Variants in PKN3 observed in about 807,000 individuals in gnomAD.
PKN3 encodes the protein serine/threonine-protein kinase N3.
A neutral mutation model predicts 113.1 loss-of-function variants in PKN3; 91 were observed. That is an observed-to-expected ratio of 0.80 (90% CI 0.68 to 0.96). PKN3 has a LOEUF of 0.96. Ranked by LOEUF, PKN3 falls within the 40% of genes least tolerant of loss-of-function variation. The pLI, the probability that PKN3 is intolerant of heterozygous loss-of-function variation, is 0.00. For synonymous variants in PKN3, 467 were observed against 499.0 expected (o/e 0.94, Z 0.85); for missense variants, 1,052 against 1,202.2 (o/e 0.88, Z 1.85).
chr9:128,706,571 A>G, intron 3 of PKN3, 142 bp from the exon 4 acceptor site: 1 of 639,174 alleles, frequency 1.6e-6, no homozygotes, highest in Admixed American at 3.1e-5. Flanking sequence ...TAGTCCAACA[A>G]GGGAGGCTTG....
Position 128,719,735 on chromosome 9 carries a change from C to G in PKN3, c.2175C>G (p.Phe725Leu). The G allele has an allele frequency of 6.3e-7, 1 of 1,594,854 alleles. No homozygotes were observed. The highest frequency in any genetic ancestry group is 2.2e-5 in the East Asian group (1 of 44,706). The stretch of plus-strand genomic sequence containing the variant: ...GCACCTTCTGTGGCACCCCGGAGTT[C>G]CTGGCTCCCGAGGTGCTGACCCAGG... ...RTSTFCGTPE[F>L]LAPEVLTQEA... The change falls in exon 19 of 22, where the codon TTC becomes TTG. Residue 725 changes from phenylalanine (F) to leucine (L), a missense_variant. Coordinates refer to ENST00000291906, the MANE Select transcript of PKN3 (RefSeq NM_013355.5).
rs965466258 is a variant in PKN3, at chr9:128,708,252, C to T, written c.835+847C>T. On this transcript the variant is annotated intron_variant, in intron 6 of 21. Transcript: ENST00000291906. Reference sequence around the variant, plus strand: ...AAAAAAGTAGCTGGATGTGGTGGCACATGCCTGTAGTCCCAGCCACTCGGG... The same window carrying T: ...AAAAAAGTAGCTGGATGTGGTGGCATATGCCTGTAGTCCCAGCCACTCGGG... 5.6e-4 allele frequency among the ~76,000 whole-genome samples: 85 copies of T among 151,796 alleles called. 1 individual carries two copies. The highest frequency in any genetic ancestry group is 5.6e-3 in the Admixed American group (85 of 15,242).
intron 6 of PKN3, 21 bp downstream of exon 6, chr9:128,707,426 C>T: frequency 1.3e-6 from 2 of 1,574,114 alleles, no homozygotes; most frequent in Non-Finnish European, 1.7e-6. Context: ...GTTCCTCCCC[C>T]TTCAAAGCTC....
Position 128,720,181 on chromosome 9 carries a change from G to A in PKN3, c.2377-22G>A, listed in dbSNP as rs1235216950. On this transcript the variant is annotated intron_variant, in intron 20 of 21. Transcript: ENST00000291906. The surrounding 1 kb of genome is among the most constrained non-coding windows in gnomAD (Gnocchi z 5.5). ...GTGCCTGGGGCTGAATGCCCTAAGTGAGCGCCTGTCCTATTGCCCAGCTCC... is the reference window on the plus strand; with the variant it reads ...GTGCCTGGGGCTGAATGCCCTAAGTAAGCGCCTGTCCTATTGCCCAGCTCC... The A allele has an allele frequency of 2.5e-6, 4 of 1,609,904 alleles. No individual in the cohort carries two copies. The highest frequency in any genetic ancestry group is 3.4e-6 in the Non-Finnish European group (4 of 1,177,648).
At position 128,720,032 on chromosome 9, in the gene PKN3, G is replaced by A. The variant is rs1280709169; in HGVS notation, c.2376+15G>A. 2 of 1,606,698 alleles carry A rather than the reference G, an allele frequency of 1.2e-6. No individual in the cohort carries two copies. The highest frequency in any genetic ancestry group is 1.7e-5 in the Admixed American group (1 of 60,020). On this transcript the variant is annotated intron_variant, in intron 20 of 21. Transcript: ENST00000291906. The surrounding 1 kb of genome is among the most constrained non-coding windows in gnomAD (Gnocchi z 5.5). The stretch of plus-strand genomic sequence containing the variant: ...TCATTCAGAAGGTAAGCACTGCGGG[G>A]TCTGGGGCTGGGCTGGATGGCCGCT...
At chr9:128,714,417 A>G (rs1479534352) in intron 11 of PKN3, 52 bp downstream of exon 11, 8 of 1,458,378 alleles carry the variant, frequency 5.5e-6, no homozygotes, top group Non-Finnish European at 5.7e-6. Flanking sequence ...CGGCTTCCTG[A>G]CTCCAGATCC....
chr9:128,714,474 C>T (rs1281666835), intron 11 of PKN3, 88 bp from the exon 12 acceptor site: 2 of 1,114,500 alleles, frequency 1.8e-6, no homozygotes, highest in Non-Finnish European at 2.8e-6. Flanking sequence ...CGCTAACCCT[C>T]TGTCCATCTC....
intron 2 of PKN3, 81 bp downstream of exon 2, chr9:128,705,624 C>G: frequency 6.5e-7 from 1 of 1,540,762 alleles, no homozygotes; most frequent in Non-Finnish European, 8.8e-7. Context: ...GCCACTGTGG[C>G]GAGACCACCT....
chr9:128,711,641 C>G lies in PKN3; in HGVS notation c.836-1411C>G, dbSNP rs991228157. 1.2e-4 allele frequency among the ~76,000 whole-genome samples: 18 copies of G among 150,454 alleles called. 1 individual carries two copies. The highest frequency in any genetic ancestry group is 1.5e-5 in the Non-Finnish European group (1 of 67,766). Reference sequence around the variant, plus strand: ...GGGGACAGAGTCTTGCTTTGTCGCCCAGGCTGGAGTGCAGTGGCATAATCT... The same window carrying G: ...GGGGACAGAGTCTTGCTTTGTCGCCGAGGCTGGAGTGCAGTGGCATAATCT... On this transcript the variant is annotated intron_variant, in intron 6 of 21. Coordinates refer to ENST00000291906, the MANE Select transcript of PKN3 (RefSeq NM_013355.5).
rs758578025 is a variant in PKN3 at position 128,716,733 on chromosome 9, GCT to G, written c.1809-8_1809-7del. On this transcript the variant is annotated splice_polypyrimidine_tract_variant and intron_variant, in intron 15 of 21. Coordinates refer to ENST00000291906, the MANE Select transcript of PKN3 (RefSeq NM_013355.5). ...AGTTTTCCTTCCCTCTAATACTCTT[GCT>G]CTCTCCTGTAGCCTGTACTGCGAGA... 1 of 1,611,642 alleles carries G rather than the reference GCT, an allele frequency of 6.2e-7. No individual in the cohort carries two copies. Among genetic ancestry groups the G allele is most frequent in the Admixed American group, 1.7e-5 (1 of 59,952 alleles).
intron 12 of PKN3, 61 bp downstream of exon 12, chr9:128,714,725 C>A: frequency 6.7e-7 from 1 of 1,486,548 alleles, no homozygotes; most frequent in Non-Finnish European, 9.4e-7. Context: ...GGCCACCCAG[C>A]TGTGGGGTGG....
chr9:128,713,160 C>T lies in PKN3; in HGVS notation c.944C>T (p.Thr315Ile). The T allele has an allele frequency of 6.2e-7, 1 of 1,610,762 alleles. No individual in the cohort carries two copies. Among genetic ancestry groups the T allele is most frequent in the Non-Finnish European group, 8.5e-7 (1 of 1,178,028 alleles). The change falls in exon 7 of 22, where the codon ACC becomes ATC. Residue 315 changes from threonine to isoleucine, a missense_variant. Coordinates refer to ENST00000291906, the MANE Select transcript of PKN3 (RefSeq NM_013355.5). ...ASSPSEGWLR[T>I]KAKHQRGRGE... is the part of the protein sequence containing the mutation. The stretch of plus-strand genomic sequence containing the variant: ...AGCCCCTCCGAGGGCTGGCTTCGGA[C>T]CAAGGCCAAGCACCAGCGTGGCCGA...
intron 19 of PKN3, 34 bp downstream of exon 19, chr9:128,719,862 G>A (rs1358382301): frequency 1.2e-6 from 2 of 1,607,006 alleles, no homozygotes; most frequent in South Asian, 1.1e-5. Flanking sequence ...GGGCCTCTGG[G>A]TGGGGGTGGG....
intron 9 of PKN3, among the ~76,000 whole-genome samples, 172 bp from the exon 10 acceptor site, chr9:128,713,874 C>A (rs1422178498): frequency 6.6e-6 from 1 of 152,160 alleles, no homozygotes; most frequent in Non-Finnish European, 1.5e-5. Flanking sequence ...CTCCCTGGGC[C>A]TCTGTTTCTC....
At chr9:128,712,159 C>T (rs1862199783) in intron 6 of PKN3, among the ~76,000 whole-genome samples, 1 of 152,194 alleles carries the variant, frequency 6.6e-6, no homozygotes, top group Non-Finnish European at 1.5e-5. Flanking sequence ...ATCTGCCTGC[C>T]TTGGTCTCCC....
intron 6 of PKN3, among the ~76,000 whole-genome samples, chr9:128,708,712 GC>G (rs1862092562): frequency 6.7e-6 from 1 of 149,136 alleles, no homozygotes; most frequent in Non-Finnish European, 1.5e-5. Flanking sequence ...GCGTGGTGGC[GC>G]ATGCCTGTAA....
At position 128,713,510 on chromosome 9, in the gene PKN3, G is replaced by A. The variant is rs1182764418; in HGVS notation, c.1104G>A (p.Leu368=). ...FVIPLERARE[L]EIGVHWRDWR... ...CCTCCCCAATACAGGCCCGTGAGCT[G>A]GAGATTGGGGTACACTGGCGGGACT... Residue 368 remains leucine (L), a synonymous_variant, in exon 9 of 22, where the codon CTG becomes CTA. Transcript: ENST00000291906. 5 of 1,613,948 alleles carry A rather than the reference G, an allele frequency of 3.1e-6. 1 individual carries two copies. In the East Asian group the frequency reaches 1.1e-4, roughly 36 times the overall value.
In PKN3 at chr9:128,714,384, C is replaced by G; in HGVS notation, c.1481+19C>G. On this transcript the variant is annotated intron_variant, in intron 11 of 21. Transcript: ENST00000291906. ...CTCCCAGGTGAGGAGCTCCCTTGCC[C>G]TAGACTGCATGCTCCTCTGTGGCGG... The G allele has an allele frequency of 2.1e-5, 34 of 1,592,162 alleles. No individual in the cohort carries two copies. Among genetic ancestry groups the G allele is most frequent in the Non-Finnish European group, 2.9e-5 (34 of 1,165,908 alleles).
rs1189179226 is a variant in PKN3 at position 128,707,389 on chromosome 9, G to A, written c.819G>A (p.Lys273=). 6.2e-7 allele frequency: 1 copy of A among 1,608,954 alleles called. No homozygotes were observed. The highest frequency in any genetic ancestry group is 2.2e-5 in the East Asian group (1 of 44,756). Residue 273 remains lysine, a synonymous_variant, in exon 6 of 22, where the codon AAG becomes AAA. Transcript: ENST00000291906. ...CCCAGCCTTCAGGGACACCTGTGAA[G>A]CCCACCGCCCTAACAGGTAGTCAGA... is the stretch of plus-strand genomic sequence containing the variant. ...GYPQPSGTPV[K]PTALTGTLQV... is the part of the protein sequence containing the mutation.
Sources: allele counts gnomAD v4.1 joint callset (sites outside exome capture counted in the v4.1 genomes callset), GRCh38; gene constraint gnomAD v4.1.1; non-coding constraint Gnocchi (gnomAD v3.1); transcripts MANE v1.5; gene names NCBI Gene and HGNC (gene_info 2026-07-23, HGNC 2026-07-21).